FAM120A: variants seen among roughly 807,000 people sequenced by gnomAD.
FAM120A encodes constitutive coactivator of PPAR-gamma-like protein 1.
FAM120A carries 15 observed loss-of-function variants against 109.7 expected under a neutral mutation model. The ratio of observed to expected loss-of-function variants is 0.14; its 90% CI spans 0.09 to 0.21. The LOEUF (loss-of-function observed/expected upper bound fraction) is 0.21. Ranked by LOEUF, FAM120A falls within the 10% of genes least tolerant of loss-of-function variation. FAM120A has a pLI of 1.00. For missense variants in FAM120A, 899 were observed against 1,439.3 expected (o/e 0.62, Z 6.07); for synonymous variants, 493 against 572.8 (o/e 0.86, Z 1.99).
chr9:93,547,803 C>T (rs1861942320), intron 11 of FAM120A, among the ~76,000 whole-genome samples: 1 of 152,218 alleles, frequency 6.6e-6, no homozygotes, highest in Admixed American at 6.5e-5. Flanking sequence ...GAGTTAAGTT[C>T]TCAGCCGCTC....
chr9:93,564,410 A>G lies in FAM120A; in HGVS notation c.3227A>G (p.His1076Arg), dbSNP rs780238221. 6.2e-6 allele frequency: 10 copies of G among 1,614,110 alleles called. No homozygotes were observed. The South Asian group carries it at 1.1e-4, about 18-fold the overall frequency. The change falls in exon 18 of 18, where the codon CAC (histidine) becomes CGC (arginine). Residue 1076 changes from histidine to arginine, a missense_variant. Transcript: ENST00000277165. ...GSTGDARAPS[H>R]SESALNNDSK... ...ACGGGTGACGCCAGGGCCCCCAGCC[A>G]CTCTGAAAGTGCCTTGAATAATGAC...
At chr9:93,506,478 T>G (rs530520047) in intron 5 of FAM120A, among the ~76,000 whole-genome samples, 1 of 152,342 alleles carries the variant, frequency 6.6e-6, no homozygotes, top group East Asian at 1.9e-4. Flanking sequence ...TGCTCAGTTC[T>G]TATTAATTTT....
chr9:93,524,330 C>A (rs1045075549), intron 7 of FAM120A, among the ~76,000 whole-genome samples: 2 of 152,184 alleles, frequency 1.3e-5, no homozygotes, highest in Non-Finnish European at 2.9e-5. Context: ...ATGAGTGACA[C>A]GTCATACCCT....
chr9:93,520,498 T>C (rs1860800811), intron 7 of FAM120A, among the ~76,000 whole-genome samples: 1 of 152,216 alleles, frequency 6.6e-6, no homozygotes, highest in Non-Finnish European at 1.5e-5. Flanking sequence ...GCCTATAAAA[T>C]TGTCAAACAT....
rs138963600 is a variant in FAM120A at position 93,560,309 on chromosome 9, T to A, written c.2807-800T>A. On this transcript the variant is annotated intron_variant, in intron 15 of 17. Transcript: ENST00000277165. Reference sequence around the variant, plus strand: ...ACCCTGTCTTAAAAAAAAAAAAATCTTGACTACATGTTGAAATAGTATTAT... The same window carrying A: ...ACCCTGTCTTAAAAAAAAAAAAATCATGACTACATGTTGAAATAGTATTAT... Among the ~76,000 whole-genome samples the A allele has an allele frequency of 2.6e-3, 392 of 152,180 alleles. 2 individuals carry two copies. Among genetic ancestry groups the A allele is most frequent in the African/African-American group, 8.8e-3 (364 of 41,520 alleles).
intron 2 of FAM120A, among the ~76,000 whole-genome samples, chr9:93,475,705 G>A (rs1858520454): frequency 6.6e-6 from 1 of 152,180 alleles, no homozygotes; most frequent in South Asian, 2.1e-4. Flanking sequence ...TATTACTGTA[G>A]GATGGGCCTT....
chr9:93,469,328 A>C (rs753059679), intron 1 of FAM120A, among the ~76,000 whole-genome samples: 27 of 152,176 alleles, frequency 1.8e-4, no homozygotes, highest in Non-Finnish European at 2.6e-4. Flanking sequence ...ACATGTGTGA[A>C]TCTAAGGAAC....
Position 93,532,097 on chromosome 9 carries a change from G to A in FAM120A, c.1735-58G>A. The A allele has an allele frequency of 6.8e-7, 1 of 1,466,848 alleles. No homozygotes were observed. The highest frequency in any genetic ancestry group is 9.5e-7 in the Non-Finnish European group (1 of 1,052,612). 90.9% of individuals were successfully genotyped at this position (1,466,848 alleles called of 1,614,324 possible). On this transcript the variant is annotated intron_variant, in intron 9 of 17. Coordinates refer to ENST00000277165, the MANE Select transcript of FAM120A (RefSeq NM_014612.5). This position sits in a 1 kb window ranked among gnomAD's most constrained non-coding sequence, Gnocchi z 4.3. ...GATAATACAGTATATTTCTGTGAGT[G>A]TATTGTAAATTCAACATGAAAAATG...
At chr9:93,472,852 A>G (rs555418363) in intron 2 of FAM120A, among the ~76,000 whole-genome samples, 1 of 152,310 alleles carries the variant, frequency 6.6e-6, no homozygotes, top group South Asian at 2.1e-4. Flanking sequence ...AGGAGAGTAC[A>G]TTTTAAGTCA....
At chr9:93,514,019 G>T (rs1267253050) in intron 5 of FAM120A, among the ~76,000 whole-genome samples, 1 of 152,174 alleles carries the variant, frequency 6.6e-6, no homozygotes, top group African/African-American at 2.4e-5. Flanking sequence ...ATAAAGAACT[G>T]CCTGAGACTG....
intron 17 of FAM120A, 55 bp downstream of exon 17, chr9:93,562,359 G>A (rs1862497772): frequency 7.3e-7 from 1 of 1,378,524 alleles, no homozygotes; most frequent in South Asian, 1.2e-5. Flanking sequence ...GATGTCTCCT[G>A]TCTGAGCTTG....
chr9:93,493,480 C>T (rs1859425864), intron 3 of FAM120A, among the ~76,000 whole-genome samples: 1 of 152,196 alleles, frequency 6.6e-6, no homozygotes, highest in African/African-American at 2.4e-5. Context: ...ATTAAACAAT[C>T]TCCATTTGAT....
intron 1 of FAM120A, 137 bp from the exon 2 acceptor site, chr9:93,471,004 A>AT (rs1339329841): frequency 1.8e-5 from 19 of 1,044,016 alleles, no homozygotes; most frequent in Admixed American, 2.5e-5. Context: ...TTATTATGGC[A>AT]TTTTTTTGAC....
intron 3 of FAM120A, among the ~76,000 whole-genome samples, chr9:93,496,415 A>G (rs1355403943): frequency 3.3e-5 from 5 of 152,346 alleles, no homozygotes; most frequent in South Asian, 2.1e-4. Context: ...TTGAGTGTCA[A>G]AATTACTCCT....
At position 93,452,929 on chromosome 9, in the gene FAM120A, T is replaced by C. The variant is rs1159327077; in HGVS notation, c.474+540T>C. 8.5e-6 allele frequency: 12 copies of C among 1,417,238 alleles called. No individual in the cohort carries two copies. Among genetic ancestry groups the C allele is most frequent in the African/African-American group, 2.9e-5 (2 of 68,986 alleles). The allele number at this position is 1,417,238 out of a possible 1,614,324, so 87.8% of individuals were successfully genotyped here. A position where few individuals can be genotyped will look rare whatever the true frequency, so the allele number is the denominator to read the frequency against. On this transcript the variant is annotated intron_variant, in intron 1 of 17. Coordinates refer to ENST00000277165, the MANE Select transcript of FAM120A (RefSeq NM_014612.5). This position sits in a 1 kb window ranked among gnomAD's most constrained non-coding sequence, Gnocchi z 7.0. ...TAGCCCGGTGACAGCGAGACGTGTCTAAGGGCCAGTGCCCTGGCCTCTACT... is the reference window on the plus strand; with the variant it reads ...TAGCCCGGTGACAGCGAGACGTGTCCAAGGGCCAGTGCCCTGGCCTCTACT...
At chr9:93,509,122 G>T (rs1860198751) in intron 5 of FAM120A, among the ~76,000 whole-genome samples, 1 of 152,222 alleles carries the variant, frequency 6.6e-6, no homozygotes, top group East Asian at 1.9e-4. Flanking sequence ...TCTAGCAAAA[G>T]GACCAAAGGA....
At chr9:93,556,311 T>C in intron 12 of FAM120A, 71 bp from the exon 13 acceptor site, 4 of 1,315,432 alleles carry the variant, frequency 3.0e-6, no homozygotes, top group Non-Finnish European at 4.4e-6. Context: ...TGGAGAGTTT[T>C]ACTAAGACTT....
At chr9:93,530,230 A>G (rs1231674189) in intron 9 of FAM120A, 2 of 152,772 alleles carry the variant, frequency 1.3e-5, no homozygotes, top group South Asian at 4.1e-4. Context: ...TTGGTGTCTC[A>G]AATGTATCTA....
chr9:93,545,321 A>C (rs961988587), intron 11 of FAM120A, among the ~76,000 whole-genome samples: 3 of 152,214 alleles, frequency 2.0e-5, no homozygotes, highest in Non-Finnish European at 4.4e-5. Context: ...TATCTCATTG[A>C]AAACAGTGGA....
Sources: allele counts gnomAD v4.1 joint callset (sites outside exome capture counted in the v4.1 genomes callset), GRCh38; gene constraint gnomAD v4.1.1; non-coding constraint Gnocchi (gnomAD v3.1); transcripts MANE v1.5; gene names NCBI Gene and HGNC (gene_info 2026-07-23, HGNC 2026-07-21).